Variants in DST observed in about 807,000 individuals in gnomAD.
DST encodes bullous pemphigoid antigen.
In DST, 253 loss-of-function variants were observed where a neutral mutation model predicts 875.2. The observed-to-expected ratio is 0.29, with a 90% CI of 0.26 to 0.32. The LOEUF (loss-of-function observed/expected upper bound fraction) is 0.32, where lower values mean the gene tolerates loss of function less well. Among genes scored for constraint, DST ranks in the 10% least tolerant of loss-of-function variants. The pLI, the probability that DST is intolerant of heterozygous loss-of-function variation, is 1.00. For synonymous variants in DST, 3,124 were observed against 3,197.1 expected (o/e 0.98, Z 0.77); for missense variants, 8,287 against 9,111.6 (o/e 0.91, Z 3.68).
chr6:56,599,073 C>T (rs1038901471), intron 45 of DST, among the ~76,000 whole-genome samples: 2 of 151,954 alleles, frequency 1.3e-5, no homozygotes, highest in Non-Finnish European at 2.9e-5. Flanking sequence ...TGTTTCTAAA[C>T]TTTTATTTTT....
rs1480601009 is a variant in DST, at chr6:56,872,829, C to CT, written c.418-21226_418-21225insA. ...TCTCTTCAATACACTGATTCCCCCC[C>CT]CCCTTTTTTTTTTTTTCGGATATAT... On this transcript the variant is annotated intron_variant, in intron 3 of 103. Coordinates refer to ENST00000680361, the MANE Select transcript of DST (RefSeq NM_001374736.1). 2.2e-5 allele frequency among the ~76,000 whole-genome samples: 3 copies of CT among 137,912 alleles called. No homozygotes were observed. In the East Asian group the frequency reaches 6.3e-4, roughly 29 times the overall value. 90.5% of individuals were successfully genotyped at this position (137,912 alleles called of 152,430 possible).
At position 56,506,817 on chromosome 6, in the gene DST, AT is replaced by A. The variant is rs545713011; in HGVS notation, c.19240-29del. 3.5e-4 allele frequency: 562 copies of A among 1,590,968 alleles called. 11 individuals are homozygous for A. The South Asian group carries it at 6.3e-3, about 18-fold the overall frequency. On this transcript the variant is annotated intron_variant, in intron 75 of 103. Coordinates refer to ENST00000680361, the MANE Select transcript of DST (RefSeq NM_001374736.1). ...AGAATAAGAAAATGACAGCCTTAGAATTTTAAGCAAAACCACATCAAAACTT... is the reference window on the plus strand; with the variant it reads ...AGAATAAGAAAATGACAGCCTTAGAATTTAAGCAAAACCACATCAAAACTT...
Position 56,593,111 on chromosome 6 carries a change from A to G in DST, c.12726+552T>C, listed in dbSNP as rs189990211. Among the ~76,000 whole-genome samples the G allele has an allele frequency of 2.8e-3, 424 of 152,280 alleles. 4 individuals are homozygous for G. Among genetic ancestry groups the G allele is most frequent in the Middle Eastern group, 0.01 (3 of 294 alleles). ...AACCGCCATCTTGTGGTCACACTGG[A>G]TATTAGAGCATTTGAGAGCTGGGAC... is the stretch of plus-strand genomic sequence containing the variant. On this transcript the variant is annotated intron_variant, in intron 48 of 103. Transcript: ENST00000680361.
At chr6:56,953,746 ACTT>A (rs1387456995) in intron 2 of DST, 36 bp downstream of exon 2, 15 of 1,299,628 alleles carry the variant, frequency 1.2e-5, no homozygotes, top group East Asian at 5.4e-5. Flanking sequence ...AGGAAAGAGA[ACTT>A]CTTCTGACCT....
chr6:56,709,462 T>C (rs1364666998), intron 5 of DST, among the ~76,000 whole-genome samples: 5 of 152,202 alleles, frequency 3.3e-5, no homozygotes, highest in Admixed American at 2.0e-4. Context: ...AAATTCAACT[T>C]TGAAGAAAAG....
At position 56,471,097 on chromosome 6, in the gene DST, G is replaced by A; in HGVS notation, c.22321+9C>T. The A allele has an allele frequency of 1.2e-6, 2 of 1,609,192 alleles. No homozygotes were observed. Among genetic ancestry groups the A allele is most frequent in the Non-Finnish European group, 1.7e-6 (2 of 1,177,508 alleles). On this transcript the variant is annotated intron_variant, in intron 95 of 103. Transcript: ENST00000680361. The stretch of plus-strand genomic sequence containing the variant: ...TGTATCAGTCATAGTCATCTGTCTT[G>A]GAACTTACTTGAGGAAAGAATTCCA...
rs780562931 is a variant in DST at position 56,605,791 on chromosome 6, ATAT to A, written c.8834_8836del (p.Asn2945del). ...AGTACCTAATTCAGAAGTTGAACTG[ATAT>A]TATTATTATCATGTGAAATACTTGC... On this transcript the variant is annotated inframe_deletion, in exon 40 of 104. Transcript: ENST00000680361. 70 of 1,612,584 alleles carry A rather than the reference ATAT, an allele frequency of 4.3e-5. No individual in the cohort carries two copies. Among genetic ancestry groups the A allele is most frequent in the Non-Finnish European group, 5.6e-5 (66 of 1,179,244 alleles).
chr6:56,863,343 T>G (rs981640574), intron 3 of DST: 6 of 152,232 alleles, frequency 3.9e-5, no homozygotes, highest in African/African-American at 1.2e-4. Flanking sequence ...TAACATTTTA[T>G]GAGCCATGAT....
In DST at chr6:56,600,163, A is replaced by G; in HGVS notation, c.11600T>C (p.Leu3867Pro). ...AATTAGGCGGTTTTCAGTTTGGGTA[A>G]GAAGATCACATATCCCTTGGAGTTT... ...KEKLQGICDL[L>P]TQTENRLIGH... Residue 3867 changes from leucine (L) to proline (P), a missense_variant, in exon 45 of 104, where the codon CTT becomes CCT. Leu to Pro is a moderately conservative substitution (Grantham distance 98, BLOSUM62 -3). Around this residue, in one of 10 missense-constraint regions of DST, gnomAD observed 3,138 missense variants for 3,116.6 expected, o/e 1.01. Coordinates refer to ENST00000680361, the MANE Select transcript of DST (RefSeq NM_001374736.1). 2.5e-6 allele frequency: 4 copies of G among 1,613,094 alleles called. No individual in the cohort carries two copies. The highest frequency in any genetic ancestry group is 1.3e-5 in the African/African-American group (1 of 74,992).
At position 56,607,568 on chromosome 6, in the gene DST, C is replaced by T. The variant is rs75788255; in HGVS notation, c.7060G>A (p.Asp2354Asn). ...GAGTCACTTCTAAGCATGCTAATGT[C>T]TGCAAGTTCAGTCTGTGTTAAATAT... ...ISYLTQTELADISMLRSDSEN... is the reference protein window; with the variant it reads ...ISYLTQTELANISMLRSDSEN... Residue 2354 changes from aspartate (D) to asparagine (N), a missense_variant, in exon 40 of 104, where the codon GAC becomes AAC. Physicochemically the swap from Asp to Asn is conservative, Grantham distance 23 (BLOSUM62 1). This residue lies in a region of DST where 3,138 missense variants were observed against 3,116.6 expected (regional missense o/e 1.01). Coordinates refer to ENST00000680361, the MANE Select transcript of DST (RefSeq NM_001374736.1). 3,360 of 1,611,892 alleles carry T rather than the reference C, an allele frequency of 2.1e-3. 61 individuals are homozygous for T. The African/African-American group carries it at 0.038, about 18-fold the overall frequency.
At chr6:56,658,291 G>A (rs2099020807) in intron 10 of DST, among the ~76,000 whole-genome samples, 1 of 152,248 alleles carries the variant, frequency 6.6e-6, no homozygotes, top group Admixed American at 6.5e-5. Context: ...GCACAGAGCT[G>A]TGAGTCAGGT....
chr6:56,568,674 T>C (rs1390774534), intron 54 of DST, 79 bp from the exon 55 acceptor site: 41 of 1,254,134 alleles, frequency 3.3e-5, no homozygotes, highest in Non-Finnish European at 1.1e-6. Context: ...CTTAAACATA[T>C]CTTAAAGTAG....
At chr6:56,619,922 A>G in intron 36 of DST, 1 of 1,614,048 alleles carries the variant, frequency 6.2e-7, no homozygotes, top group Non-Finnish European at 8.5e-7. Context: ...GGCAGCTGTT[A>G]GTTCATCTAC....
chr6:56,572,706 A>T, intron 52 of DST, 41 bp downstream of exon 52: 1 of 1,449,356 alleles, frequency 6.9e-7, no homozygotes. Flanking sequence ...CCTAACTATT[A>T]ATCTATCTGA....
intron 4 of DST, among the ~76,000 whole-genome samples, chr6:56,751,248 T>C (rs1160459095): frequency 1.3e-5 from 2 of 152,102 alleles, no homozygotes; most frequent in African/African-American, 4.8e-5. Context: ...AAGTCAGTTA[T>C]CATAGAGCCA....
Position 56,530,010 on chromosome 6 carries a change from T to C in DST, c.17232A>G (p.Gln5744=). The C allele has an allele frequency of 1.9e-6, 3 of 1,613,592 alleles. No individual in the cohort carries two copies. Among genetic ancestry groups the C allele is most frequent in the East Asian group, 2.2e-5 (1 of 44,852 alleles). Residue 5744 remains glutamine, a synonymous_variant, in exon 65 of 104, where the codon CAA becomes CAG. Coordinates refer to ENST00000680361, the MANE Select transcript of DST (RefSeq NM_001374736.1). ...CAATTTGTTCCTCAAGTTTAGATGC[T>C]TGGGTTCCTATGGGTTCACAATTCA... ...RLVNCEPIGT[Q]ASKLEEQIAQ...
rs901700584 is a variant in DST at position 56,508,699 on chromosome 6, C to T, written c.19069G>A (p.Val6357Met). 1 of 1,613,802 alleles carries T rather than the reference C, an allele frequency of 6.2e-7. No individual in the cohort carries two copies. Among genetic ancestry groups the T allele is most frequent in the East Asian group, 2.2e-5 (1 of 44,874 alleles). The change falls in exon 75 of 104, where the codon GTG becomes ATG. Residue 6357 changes from valine (V) to methionine (M), a missense_variant. Around this residue, in one of 10 missense-constraint regions of DST, gnomAD observed 1,292 missense variants for 1,552.7 expected, o/e 0.83. Coordinates refer to ENST00000680361, the MANE Select transcript of DST (RefSeq NM_001374736.1). ...AGTAGTTTGGCTTCCCTCTCTTCCA[C>T]CAGTGTGTGTATGTTCTCCCAAATG... Reference protein sequence around the residue: ...VFIWENIHTLVEEREAKLLDV... With the variant: ...VFIWENIHTLMEEREAKLLDV...
chr6:56,492,173 C>G, intron 85 of DST, 54 bp downstream of exon 85: 2 of 1,443,388 alleles, frequency 1.4e-6, no homozygotes, highest in Non-Finnish European at 1.9e-6. Context: ...TATATTTCAA[C>G]AGCAAGAAGT....
chr6:56,618,220 T>A (rs764590338), intron 36 of DST: 1 of 1,614,182 alleles, frequency 6.2e-7, no homozygotes, highest in Non-Finnish European at 8.5e-7. Context: ...GTGGCTGGAA[T>A]TGGACTTCTT....
Sources: allele counts gnomAD v4.1 joint callset (sites outside exome capture counted in the v4.1 genomes callset), GRCh38; gene constraint gnomAD v4.1.1; regional missense constraint gnomAD v4.1.1; transcripts MANE v1.5; gene names NCBI Gene and HGNC (gene_info 2026-07-23, HGNC 2026-07-21).